The following ADGB variants were observed in gnomAD, a reference collection of about 807,000 sequenced individuals.
ADGB encodes calpain-7-like protein.
A neutral mutation model predicts 210.5 loss-of-function variants in ADGB; 172 were observed. That is an observed-to-expected ratio of 0.82 (90% CI 0.72 to 0.93). ADGB has a LOEUF of 0.93. Among genes scored for constraint, ADGB ranks in the 40% least tolerant of loss-of-function variants. The probability of loss-of-function intolerance (pLI) is 0.00; values close to 1 mark genes in which losing one functional copy is unlikely to be tolerated. For synonymous variants in ADGB, 658 were observed against 662.7 expected, an observed-to-expected ratio of 0.99 and a Z score of 0.11; for missense variants, 2,025 against 1,964.8, an observed-to-expected ratio of 1.03 and a Z score of -0.58.
At chr6:146,704,014 A>T (rs1776532168) in intron 13 of ADGB, among the ~76,000 whole-genome samples, 1 of 152,014 alleles carries the variant, frequency 6.6e-6, no homozygotes, top group Non-Finnish European at 1.5e-5. Flanking sequence ...AACAGGTGTG[A>T]AGTGATATCT....
intron 12 of ADGB, among the ~76,000 whole-genome samples, chr6:146,697,883 T>G (rs1463927895): frequency 6.6e-6 from 1 of 152,054 alleles, no homozygotes; most frequent in African/African-American, 2.4e-5. Context: ...TGCAATAATA[T>G]AATGCAATAA....
At chr6:146,608,654 G>A (rs962381995) in intron 1 of ADGB, among the ~76,000 whole-genome samples, 1 of 152,136 alleles carries the variant, frequency 6.6e-6, no homozygotes, top group African/African-American at 2.4e-5. Context: ...TCAGGAGCAT[G>A]TTGTTTAATT....
rs186756060 is a variant in ADGB, at chr6:146,736,969, C to T, written c.2888+378C>T. On this transcript the variant is annotated intron_variant, in intron 23 of 35. Transcript: ENST00000397944. ...AAACAGGGACAAGGCAGAGGTAGAT[C>T]GAACCTTAAAAAAACTGCATTCTAG... 7.3e-3 allele frequency among the ~76,000 whole-genome samples: 1,109 copies of T among 151,790 alleles called. 9 individuals are homozygous for T. The highest frequency in any genetic ancestry group is 9.0e-3 in the Non-Finnish European group (611 of 67,922).
At chr6:146,687,721 T>C (rs796417612) in intron 10 of ADGB, among the ~76,000 whole-genome samples, 8 of 152,120 alleles carry the variant, frequency 5.3e-5, no homozygotes, top group African/African-American at 1.9e-4. Flanking sequence ...CATAGACCTA[T>C]GTAACAAGCC....
At chr6:146,791,799 C>A (rs1562302238) in intron 33 of ADGB, among the ~76,000 whole-genome samples, 5 of 151,932 alleles carry the variant, frequency 3.3e-5, no homozygotes, top group Admixed American at 1.3e-4. Context: ...TGCTCAGTCA[C>A]CCGAACTGGA....
At chr6:146,650,224 A>C (rs1232351139) in intron 3 of ADGB, among the ~76,000 whole-genome samples, 1 of 152,168 alleles carries the variant, frequency 6.6e-6, no homozygotes, top group African/African-American at 2.4e-5. Context: ...TTCTGTTTTA[A>C]ATGAGTTTCC....
chr6:146,638,774 G>C (rs933250503), intron 2 of ADGB: 3 of 151,606 alleles, frequency 2.0e-5, no homozygotes, highest in African/African-American at 7.3e-5. Context: ...ACTGTTCTTA[G>C]AGTTATTTCT....
At chr6:146,774,692 T>C (rs903354660) in intron 29 of ADGB, among the ~76,000 whole-genome samples, 1 of 152,220 alleles carries the variant, frequency 6.6e-6, no homozygotes, top group Admixed American at 6.5e-5. Context: ...AGCTGCTATG[T>C]ATCAATTATA....
intron 3 of ADGB, among the ~76,000 whole-genome samples, chr6:146,647,421 CAT>C (rs2114874973): frequency 6.6e-6 from 1 of 151,818 alleles, no homozygotes; most frequent in Admixed American, 6.6e-5. Context: ...AGAAGTCAAA[CAT>C]GATGAAAAAA....
At chr6:146,767,481 T>C (rs1777593857) in intron 28 of ADGB, among the ~76,000 whole-genome samples, 1 of 152,166 alleles carries the variant, frequency 6.6e-6, no homozygotes, top group Admixed American at 6.5e-5. Flanking sequence ...TCAACTTTTT[T>C]CTTTTTCTTT....
intron 29 of ADGB, chr6:146,770,445 G>A (rs1777633483): frequency 7.3e-6 from 2 of 274,644 alleles, no homozygotes; most frequent in Non-Finnish European, 1.7e-5. Flanking sequence ...TCACACTGCC[G>A]AAATTCCAAC....
chr6:146,664,114 A>C, intron 5 of ADGB, 87 bp from the exon 6 acceptor site: 1 of 1,299,404 alleles, frequency 7.7e-7, no homozygotes, highest in Non-Finnish European at 1.0e-6. Context: ...AAAACGGTAA[A>C]TAGTAATGTC....
chr6:146,785,793 T>C (rs1167233888), intron 32 of ADGB, 81 bp downstream of exon 32: 2 of 1,031,534 alleles, frequency 1.9e-6, no homozygotes, highest in Non-Finnish European at 2.9e-6. Context: ...CAGTGGGTTG[T>C]GCTTGGTGAA....
chr6:146,788,340 G>A, intron 32 of ADGB, 49 bp from the exon 33 acceptor site: 2 of 1,493,852 alleles, frequency 1.3e-6, no homozygotes, highest in Non-Finnish European at 1.8e-6. Flanking sequence ...GTTTGCATGT[G>A]ATTTCATGGA....
intron 3 of ADGB, among the ~76,000 whole-genome samples, chr6:146,653,276 T>C (rs1775730347): frequency 6.6e-6 from 1 of 151,978 alleles, no homozygotes; most frequent in Non-Finnish European, 1.5e-5. Context: ...TTTCATTACA[T>C]ATTACAATGG....
At chr6:146,761,407 A>ATAGG (rs980626170) in intron 27 of ADGB, among the ~76,000 whole-genome samples, 5 of 152,046 alleles carry the variant, frequency 3.3e-5, no homozygotes, top group Admixed American at 1.3e-4. Flanking sequence ...CCATGTGTGT[A>ATAGG]TAGGTCTACT....
chr6:146,720,791 C>T (rs188427384), intron 16 of ADGB, among the ~76,000 whole-genome samples: 181 of 152,214 alleles, frequency 1.2e-3, no homozygotes, highest in African/African-American at 4.2e-3. Flanking sequence ...CTGAGAACTC[C>T]ATCGCTAGAA....
rs751584696 is a variant in ADGB at position 146,685,816 on chromosome 6, A to G, written c.1299A>G (p.Ser433=). The G allele has an allele frequency of 1.1e-5, 17 of 1,528,332 alleles. No homozygotes were observed. The highest frequency in any genetic ancestry group is 1.4e-5 in the Non-Finnish European group (16 of 1,133,518). The allele number at this position is 1,528,332 out of a possible 1,614,324, so 94.7% of individuals were successfully genotyped here. ...ATTTGTTTGAAAACAAGATCTTTTC[A>G]TTAGAGAAGATGGTAAGCATTCAAG... ...PLYLFENKIF[S]LEKMADSAEK... is the part of the protein sequence containing the mutation. Residue 433 remains serine (S), a synonymous_variant, in exon 10 of 36, where the codon TCA becomes TCG. Transcript: ENST00000397944.
Position 146,652,908 on chromosome 6 carries a change from C to T in ADGB, c.331-1227C>T, listed in dbSNP as rs147373325. ...TAGATTTTAAAGCAGTGGTCCCCAACCCTGGTCCATGGACCAGTACCAATC... is the reference window on the plus strand; with the variant it reads ...TAGATTTTAAAGCAGTGGTCCCCAATCCTGGTCCATGGACCAGTACCAATC... On this transcript the variant is annotated intron_variant, in intron 3 of 35. Transcript: ENST00000397944. Among the ~76,000 whole-genome samples the T allele has an allele frequency of 2.0e-3, 306 of 152,260 alleles. 7 individuals carry two copies. In the East Asian group the frequency reaches 0.032, roughly 16 times the overall value.
Sources: allele counts gnomAD v4.1 joint callset (sites outside exome capture counted in the v4.1 genomes callset), GRCh38; gene constraint gnomAD v4.1.1; transcripts MANE v1.5; gene names NCBI Gene and HGNC (gene_info 2026-07-23, HGNC 2026-07-21).